The following AXIN2 variants were observed in gnomAD, a reference collection of about 807,000 sequenced individuals.
AXIN2 encodes the protein axin-2.
AXIN2 carries 21 observed loss-of-function variants against 74.7 expected under a neutral mutation model. The ratio of observed to expected loss-of-function variants is 0.28; its 90% CI spans 0.20 to 0.40. The LOEUF (loss-of-function observed/expected upper bound fraction) is 0.40, where lower values mean the gene tolerates loss of function less well. Among genes scored for constraint, AXIN2 ranks in the 10% least tolerant of loss-of-function variants. The probability of loss-of-function intolerance (pLI) is 1.00; values close to 1 mark genes in which losing one functional copy is unlikely to be tolerated. For missense variants in AXIN2, 1,144 were observed against 1,111.1 expected, an observed-to-expected ratio of 1.03 and a Z score of -0.42; for synonymous variants, 532 against 454.9, an observed-to-expected ratio of 1.17 and a Z score of -2.16.
At chr17:65,547,307 C>A (rs568254985) in intron 3 of AXIN2, among the ~76,000 whole-genome samples, 1 of 152,158 alleles carries the variant, frequency 6.6e-6, no homozygotes, top group Non-Finnish European at 1.5e-5. Context: ...CATGACCAAC[C>A]GGTCCTATTC....
At chr17:65,552,898 C>T (rs1206965938) in intron 2 of AXIN2, among the ~76,000 whole-genome samples, 1 of 151,968 alleles carries the variant, frequency 6.6e-6, no homozygotes, top group Non-Finnish European at 1.5e-5. Flanking sequence ...CGTGGTGGCG[C>T]GTGCTTGTAA....
intron 5 of AXIN2, 165 bp from the exon 6 acceptor site, chr17:65,538,000 C>G (rs1567756869): frequency 7.6e-7 from 1 of 1,310,794 alleles, no homozygotes; most frequent in Non-Finnish European, 1.1e-6. Flanking sequence ...AAGCACATAT[C>G]CACACGCATA....
intron 1 of AXIN2, chr17:65,560,444 G>T (rs2044349436): frequency 6.6e-6 from 1 of 151,414 alleles, no homozygotes; most frequent in Admixed American, 6.6e-5. Context: ...GAGGGCAAGC[G>T]GGGGGCGCCG....
intron 4 of AXIN2, among the ~76,000 whole-genome samples, chr17:65,540,685 T>G (rs542267701): frequency 6.6e-6 from 1 of 151,998 alleles, no homozygotes; most frequent in African/African-American, 2.4e-5. Flanking sequence ...TCATATGAGA[T>G]CTGGTTGTTT....
chr17:65,557,817 G>A lies in AXIN2; in HGVS notation c.804C>T (p.Asp268=), dbSNP rs774218241. Residue 268 remains aspartate (D), a synonymous_variant, in exon 2 of 11, where the codon GAC becomes GAT. Coordinates refer to ENST00000307078, the MANE Select transcript of AXIN2 (RefSeq NM_004655.4). ...CGTCAAAGTCTTACCTGTATCCACT[G>A]TCAACAGTTTCCGTGGACCTCACAC... The part of the protein sequence containing the change: ...TASVRSTETV[D]SGYRSFKRSD... The A allele has an allele frequency of 6.8e-6, 11 of 1,614,086 alleles. No individual in the cohort carries two copies. The highest frequency in any genetic ancestry group is 1.1e-5 in the South Asian group (1 of 91,094).
In AXIN2 at chr17:65,529,803, G is replaced by A; in HGVS notation, c.*173C>T. The A allele has an allele frequency of 9.8e-7, 1 of 1,023,128 alleles. No homozygotes were observed. Among genetic ancestry groups the A allele is most frequent in the Non-Finnish European group, 1.5e-6 (1 of 686,968 alleles). The allele number at this position is 1,023,128 out of a possible 1,614,324, so 63.4% of individuals were successfully genotyped here. A position where few individuals can be genotyped will look rare whatever the true frequency, so the allele number is the denominator to read the frequency against. On this transcript the variant is annotated 3_prime_UTR_variant, in exon 11 of 11. Transcript: ENST00000307078. ...AGTCAGTACCCAGCTCATGAATCAT[G>A]AAAATCAACCTCCCCCCGCCCTCCC... is the stretch of plus-strand genomic sequence containing the variant.
At chr17:65,547,152 AAAAGAAGAGGAAGT>A (rs1324364293) in intron 3 of AXIN2, among the ~76,000 whole-genome samples, 1 of 152,194 alleles carries the variant, frequency 6.6e-6, no homozygotes, top group Non-Finnish European at 1.5e-5. Context: ...GGAAGGGGAT[AAAAGAAGAGGAAGT>A]AAATGGGGAG....
Position 65,558,723 on chromosome 17 carries a change from T to G in AXIN2, c.-103A>C. 1 of 1,170,122 alleles carries G rather than the reference T, an allele frequency of 8.5e-7. No individual in the cohort carries two copies. The highest frequency in any genetic ancestry group is 1.2e-6 in the Non-Finnish European group (1 of 814,364). The allele number at this position is 1,170,122 out of a possible 1,614,324, so 72.5% of individuals were successfully genotyped here. The stretch of plus-strand genomic sequence containing the variant: ...TCTCTCTCAAGTCAGCAGGGGCTCA[T>G]CTGAACCTCCTCTCTGGAAAGAAAA... On this transcript the variant is annotated 5_prime_UTR_variant, in exon 2 of 11. An upstream start codon of the reference 5' UTR is lost. Coordinates refer to ENST00000307078, the MANE Select transcript of AXIN2 (RefSeq NM_004655.4).
chr17:65,533,434 T>C (rs1315308904), intron 10 of AXIN2, among the ~76,000 whole-genome samples: 1 of 152,234 alleles, frequency 6.6e-6, no homozygotes, highest in East Asian at 1.9e-4. Flanking sequence ...GCATGGTTCC[T>C]GACTATTTGG....
Position 65,536,311 on chromosome 17 carries a change from T to C in AXIN2, c.2141+9A>G, listed in dbSNP as rs2144438787. On this transcript the variant is annotated intron_variant, in intron 8 of 10. Coordinates refer to ENST00000307078, the MANE Select transcript of AXIN2 (RefSeq NM_004655.4). ...CTGCCTCAACCTAGGACCCTTCACT[T>C]CCACTCACCGCTGCTTTGGGGGCTT... 6.2e-7 allele frequency: 1 copy of C among 1,603,626 alleles called. No individual in the cohort carries two copies. The highest frequency in any genetic ancestry group is 8.5e-7 in the Non-Finnish European group (1 of 1,176,016).
At chr17:65,533,779 T>TC in intron 10 of AXIN2, 133 bp downstream of exon 10, 1 of 1,024,782 alleles carries the variant, frequency 9.8e-7, no homozygotes, top group Non-Finnish European at 1.5e-6. Context: ...GAAGGGAGCC[T>TC]CCCCCAGCGC....
At position 65,546,217 on chromosome 17, in the gene AXIN2, G is replaced by T. The variant is rs544582746; in HGVS notation, c.956+3303C>A. Reference sequence around the variant, plus strand: ...ACTTGTTCAAGGAAATTTCAAAGGGGCCTGCTACCCTCTTATCCCCTCTAA... The same window carrying T: ...ACTTGTTCAAGGAAATTTCAAAGGGTCCTGCTACCCTCTTATCCCCTCTAA... On this transcript the variant is annotated intron_variant, in intron 3 of 10. Transcript: ENST00000307078. Among the ~76,000 whole-genome samples, 3 of 152,120 alleles carry T rather than the reference G, an allele frequency of 2.0e-5. No homozygotes were observed. The South Asian group carries it at 6.2e-4, about 32-fold the overall frequency.
Position 65,558,486 on chromosome 17 carries a change from G to A in AXIN2, c.135C>T (p.Val45=), listed in dbSNP as rs376726966. The part of the protein sequence containing the change: ...PCQPGVGKGQ[V]TKPMPVSSNT... ...TGGAAGAGACAGGCATGGGTTTGGT[G>A]ACCTGGCCCTTGCCCACCCCTGGCT... Residue 45 remains valine, a synonymous_variant, in exon 2 of 11, where the codon GTC becomes GTT. Coordinates refer to ENST00000307078, the MANE Select transcript of AXIN2 (RefSeq NM_004655.4). 3.0e-5 allele frequency: 48 copies of A among 1,610,516 alleles called. No homozygotes were observed. Among genetic ancestry groups the A allele is most frequent in the South Asian group, 1.1e-4 (10 of 90,770 alleles).
intron 8 of AXIN2, among the ~76,000 whole-genome samples, 154 bp from the exon 9 acceptor site, chr17:65,535,875 G>T (rs2043903706): frequency 6.6e-6 from 1 of 152,166 alleles, no homozygotes; most frequent in African/African-American, 2.4e-5. Context: ...GGTTAACAGT[G>T]GCTGAAGAGG....
At position 65,537,319 on chromosome 17, in the gene AXIN2, C is replaced by T. The variant is rs1555577565; in HGVS notation, c.1712+5G>A. 3 of 1,614,020 alleles carry T rather than the reference C, an allele frequency of 1.9e-6. No individual in the cohort carries two copies. The highest frequency in any genetic ancestry group is 1.1e-5 in the South Asian group (1 of 91,072). On this transcript the variant is annotated splice_donor_5th_base_variant and intron_variant, in intron 6 of 10. Transcript: ENST00000307078. ...ACGGGACACTGCGGTCCGCCCGGCA[C>T]TTACCCAAACTGCTCGCTGGGCATG...
rs1457864473 is a variant in AXIN2, at chr17:65,541,566, A to G, written c.957-9T>C. ...AAGGAGGAATTCCATCTCTAAGGGAAAGGAAAAGACAGAATCCACAGGCTT... is the reference window on the plus strand; with the variant it reads ...AAGGAGGAATTCCATCTCTAAGGGAGAGGAAAAGACAGAATCCACAGGCTT... On this transcript the variant is annotated splice_polypyrimidine_tract_variant and intron_variant, in intron 3 of 10. Transcript: ENST00000307078. 2 of 1,608,570 alleles carry G rather than the reference A, an allele frequency of 1.2e-6. No individual in the cohort carries two copies. Among genetic ancestry groups the G allele is most frequent in the South Asian group, 1.1e-5 (1 of 90,990 alleles).
intron 3 of AXIN2, 129 bp from the exon 4 acceptor site, chr17:65,541,686 G>A: frequency 2.5e-6 from 2 of 799,724 alleles, no homozygotes; most frequent in South Asian, 2.8e-5. Context: ...AGTGTCACAT[G>A]TCTCCAGATA....
rs1262913214 is a variant in AXIN2, at chr17:65,533,843, T to C, written c.2405+69A>G. On this transcript the variant is annotated intron_variant, in intron 10 of 10. Transcript: ENST00000307078. The stretch of plus-strand genomic sequence containing the variant: ...CCTAGGTCTGCTCAGCCAGGGGAGC[T>C]GCTCCAGGCTCTGGCTCTTGGTTCT... The C allele has an allele frequency of 9.1e-6, 10 of 1,095,252 alleles. No homozygotes were observed. In the East Asian group the frequency reaches 4.5e-4, roughly 49 times the overall value. 67.8% of individuals were successfully genotyped at this position (1,095,252 alleles called of 1,614,324 possible).
intron 2 of AXIN2, among the ~76,000 whole-genome samples, chr17:65,554,869 A>G (rs976039590): frequency 2.0e-5 from 3 of 152,208 alleles, no homozygotes; most frequent in African/African-American, 7.2e-5. Flanking sequence ...TGCTGGGCCC[A>G]GTGCCCAATC....
Sources: gnomAD v4.1 joint callset for allele counts (sites outside exome capture counted in the v4.1 genomes callset) on GRCh38, gnomAD v4.1.1 for gene constraint, MANE v1.5 for transcripts, NCBI Gene and HGNC (gene_info 2026-07-23, HGNC 2026-07-21) for gene names.